Variants in FAM193B observed in about 807,000 individuals in gnomAD.
FAM193B encodes family with sequence similarity 193 member B.
FAM193B carries 27 observed loss-of-function variants against 70.7 expected under a neutral mutation model. That is an observed-to-expected ratio of 0.38 (90% CI 0.28 to 0.53). The LOEUF (loss-of-function observed/expected upper bound fraction) is 0.53, where lower values mean the gene tolerates loss of function less well. Among genes scored for constraint, FAM193B ranks in the 20% least tolerant of loss-of-function variants. The pLI, the probability that FAM193B is intolerant of heterozygous loss-of-function variation, is 0.81. For missense variants in FAM193B, 1,022 were observed against 1,072.5 expected (o/e 0.95, Z 0.66); for synonymous variants, 448 against 436.0 (o/e 1.03, Z -0.34).
intron 5 of FAM193B, among the ~76,000 whole-genome samples, chr5:177,528,519 G>A (rs1762968144): frequency 6.6e-6 from 1 of 152,208 alleles, no homozygotes; most frequent in Non-Finnish European, 1.5e-5. Flanking sequence ...GGAGCCTGCT[G>A]CTGGGCTGAG....
In FAM193B at chr5:177,553,124, G is replaced by C. The variant is rs944146626; in HGVS notation, c.210+1125C>G. ...CACCTGACGCAACTGGGGAGGTCAG[G>C]GGAGGCTTTGTGGGAAGGTACCCCA... On this transcript the variant is annotated intron_variant, in intron 1 of 8. Coordinates refer to ENST00000514747, the MANE Select transcript of FAM193B (RefSeq NM_001190946.3). The C allele has an allele frequency of 8.2e-6, 8 of 977,196 alleles. No individual in the cohort carries two copies. The African/African-American group carries it at 1.4e-4, about 17-fold the overall frequency. 60.5% of individuals were successfully genotyped at this position (977,196 alleles called of 1,614,324 possible).
intron 5 of FAM193B, chr5:177,531,984 T>C (rs2127463031): frequency 7.8e-7 from 1 of 1,289,670 alleles, no homozygotes. Flanking sequence ...TTCCTCCCCC[T>C]GGCCAGAGCC....
chr5:177,532,707 C>A lies in FAM193B; in HGVS notation c.1077-66G>T. On this transcript the variant is annotated intron_variant, in intron 4 of 8. Coordinates refer to ENST00000514747, the MANE Select transcript of FAM193B (RefSeq NM_001190946.3). This position sits in a 1 kb window ranked among gnomAD's most constrained non-coding sequence, Gnocchi z 4.9. ...TGCAGAAACCCAGGAAGCATCCCAACCACCACCTGCCATCCTGACCGCCCT... is the reference window on the plus strand; with the variant it reads ...TGCAGAAACCCAGGAAGCATCCCAAACACCACCTGCCATCCTGACCGCCCT... 1 of 1,393,206 alleles carries A rather than the reference C, an allele frequency of 7.2e-7. No individual in the cohort carries two copies. The highest frequency in any genetic ancestry group is 1.6e-5 in the South Asian group (1 of 63,054). The allele number at this position is 1,393,206 out of a possible 1,614,324, so 86.3% of individuals were successfully genotyped here. A position where few individuals can be genotyped will look rare whatever the true frequency, so the allele number is the denominator to read the frequency against.
intron 1 of FAM193B, among the ~76,000 whole-genome samples, chr5:177,546,720 G>A (rs1027776227): frequency 6.6e-6 from 1 of 152,212 alleles, no homozygotes; most frequent in Non-Finnish European, 1.5e-5. Flanking sequence ...CCAGGAGGTA[G>A]AACAGCTGTT....
Position 177,524,764 on chromosome 5 carries a change from G to T in FAM193B, c.1717C>A (p.Pro573Thr), listed in dbSNP as rs1381716969. The change falls in exon 6 of 9, where the codon CCC becomes ACC. Residue 573 changes from proline to threonine, a missense_variant. Coordinates refer to ENST00000514747, the MANE Select transcript of FAM193B (RefSeq NM_001190946.3). ...TTCTCGGGGACGATACCGGGAGGGGGCCCCCTCACCTCTGTCCATGGTGGG... is the reference window on the plus strand; with the variant it reads ...TTCTCGGGGACGATACCGGGAGGGGTCCCCCTCACCTCTGTCCATGGTGGG... ...PHPPWTEVRG[P>T]PPGIVPENGL... is the part of the protein sequence containing the mutation. 1.3e-6 allele frequency: 2 copies of T among 1,530,042 alleles called. No homozygotes were observed. Among genetic ancestry groups the T allele is most frequent in the Non-Finnish European group, 1.8e-6 (2 of 1,140,580 alleles). The allele number at this position is 1,530,042 out of a possible 1,614,324, so 94.8% of individuals were successfully genotyped here.
intron 1 of FAM193B, chr5:177,552,188 A>G (rs1054190755): frequency 2.1e-6 from 1 of 480,242 alleles, no homozygotes; most frequent in Admixed American, 6.4e-5. Context: ...ATATTTGTTA[A>G]CCACCAGGCA....
chr5:177,550,154 TA>T (rs111562933), intron 1 of FAM193B, among the ~76,000 whole-genome samples: 13 of 149,296 alleles, frequency 8.7e-5, no homozygotes, highest in East Asian at 1.9e-4. Context: ...ATCTCTAAAT[TA>T]AAAAAAAAAA....
At chr5:177,553,953 C>G in intron 1 of FAM193B, 4 of 1,247,236 alleles carry the variant, frequency 3.2e-6, no homozygotes, top group Non-Finnish European at 4.1e-6. Flanking sequence ...CTCGGGATCA[C>G]AGCCCAGTCC....
intron 1 of FAM193B, 113 bp downstream of exon 1, chr5:177,554,136 G>C (rs1034959667): frequency 7.0e-7 from 1 of 1,424,458 alleles, no homozygotes; most frequent in African/African-American, 1.5e-5. Flanking sequence ...CCGGGGGAAG[G>C]CTGCTACCCC....
At position 177,553,130 on chromosome 5, in the gene FAM193B, C is replaced by T. The variant is rs1766520149; in HGVS notation, c.210+1119G>A. The T allele has an allele frequency of 5.1e-6, 5 of 981,638 alleles. No homozygotes were observed. The South Asian group carries it at 1.4e-4, about 28-fold the overall frequency. 60.8% of individuals were successfully genotyped at this position (981,638 alleles called of 1,614,324 possible). A position where few individuals can be genotyped will look rare whatever the true frequency, so the allele number is the denominator to read the frequency against. ...ACGCAACTGGGGAGGTCAGGGGAGG[C>T]TTTGTGGGAAGGTACCCCAAACGGC... On this transcript the variant is annotated intron_variant, in intron 1 of 8. Transcript: ENST00000514747.
chr5:177,522,118 CT>C lies in FAM193B; in HGVS notation c.2373-48del, dbSNP rs1761843702. On this transcript the variant is annotated intron_variant, in intron 7 of 8. Transcript: ENST00000514747. ...TGAGAAGCACAATCAGAGGTTCATT[CT>C]TTTGCTCACTGGACTCCTAAGGTAC... The C allele has an allele frequency of 4.8e-6, 7 of 1,456,646 alleles. No homozygotes were observed. The East Asian group carries it at 1.6e-4, about 33-fold the overall frequency. The allele number at this position is 1,456,646 out of a possible 1,614,324, so 90.2% of individuals were successfully genotyped here.
chr5:177,546,914 A>G lies in FAM193B; in HGVS notation c.210+7335T>C, dbSNP rs1279984996. 5.3e-5 allele frequency among the ~76,000 whole-genome samples: 8 copies of G among 152,314 alleles called. No homozygotes were observed. In the East Asian group the frequency reaches 1.3e-3, roughly 26 times the overall value. On this transcript the variant is annotated intron_variant, in intron 1 of 8. Transcript: ENST00000514747. ...GCCACAAGGAGGGCCCAAGCCGCAG[A>G]TTTACCTGAATCCTCAGGTCAAACT...
intron 7 of FAM193B, 176 bp from the exon 8 acceptor site, chr5:177,522,247 G>C: frequency 1.8e-6 from 1 of 570,748 alleles, no homozygotes; most frequent in South Asian, 2.0e-5. Context: ...GGGGGCTTCT[G>C]GATTGGGCCC....
At chr5:177,530,631 G>C (rs1763304969) in intron 5 of FAM193B, among the ~76,000 whole-genome samples, 1 of 152,200 alleles carries the variant, frequency 6.6e-6, no homozygotes, top group African/African-American at 2.4e-5. Context: ...ATGCAGGTGT[G>C]ACCAAGTGCA....
Position 177,538,275 on chromosome 5 carries a change from T to C in FAM193B, c.454-168A>G, listed in dbSNP as rs1351130774. 6.6e-6 allele frequency among the ~76,000 whole-genome samples: 1 copy of C among 152,150 alleles called. No individual in the cohort carries two copies. Among genetic ancestry groups the C allele is most frequent in the Non-Finnish European group, 1.5e-5 (1 of 68,018 alleles). On this transcript the variant is annotated intron_variant, in intron 2 of 8. Coordinates refer to ENST00000514747, the MANE Select transcript of FAM193B (RefSeq NM_001190946.3). The surrounding 1 kb of genome is among the most constrained non-coding windows in gnomAD (Gnocchi z 4.1). ...ATAAGAACAAATGAGGGCCAGGCCT[T>C]TGCTGGGAAAGGGCTGCGGTGGTCC...
At chr5:177,525,657 G>GATGCTA (rs1762482575) in intron 5 of FAM193B, among the ~76,000 whole-genome samples, 1 of 152,258 alleles carries the variant, frequency 6.6e-6, no homozygotes, top group African/African-American at 2.4e-5. Context: ...GTGCCTTCCT[G>GATGCTA]ATGCTATGTC....
At chr5:177,525,723 G>T (rs1762493923) in intron 5 of FAM193B, among the ~76,000 whole-genome samples, 1 of 152,270 alleles carries the variant, frequency 6.6e-6, no homozygotes, top group African/African-American at 2.4e-5. Context: ...CTGCACATTT[G>T]GTCTCAAGTA....
chr5:177,547,174 T>C (rs1045075793), intron 1 of FAM193B: 1 of 152,200 alleles, frequency 6.6e-6, no homozygotes, highest in African/African-American at 2.4e-5. Context: ...GTACCTGGCC[T>C]GGGCCTGGCA....
rs1331827821 is a variant in FAM193B, at chr5:177,532,581, C to G, written c.1137G>C (p.Gln379His). 7 of 1,594,924 alleles carry G rather than the reference C, an allele frequency of 4.4e-6. No homozygotes were observed. The highest frequency in any genetic ancestry group is 6.0e-6 in the Non-Finnish European group (7 of 1,173,912). ...CCAGCCCCTCATCTGCCTCGCAGGG[C>G]TGGGGCAGCTGGCAAGCCAGGCCAC... ...AHSGLACQLP[Q>H]PCEADEGLGE... is the part of the protein sequence containing the mutation. The change falls in exon 5 of 9, where the codon CAG (glutamine) becomes CAC (histidine). Residue 379 changes from glutamine to histidine, a missense_variant. By Grantham distance (24) the Gln-to-His change is conservative. Coordinates refer to ENST00000514747, the MANE Select transcript of FAM193B (RefSeq NM_001190946.3). This position sits in a 1 kb window ranked among gnomAD's most constrained non-coding sequence, Gnocchi z 4.9.
Sources: allele counts gnomAD v4.1 joint callset (sites outside exome capture counted in the v4.1 genomes callset), GRCh38; gene constraint gnomAD v4.1.1; non-coding constraint Gnocchi (gnomAD v3.1); transcripts MANE v1.5; gene names NCBI Gene and HGNC (gene_info 2026-07-23, HGNC 2026-07-21).